Variants in ACKR2 observed in about 807,000 individuals in gnomAD.
ACKR2 encodes the protein atypical chemokine receptor 2, also known as C-C chemokine receptor D6.
For missense variants in ACKR2, 457 were observed against 477.3 expected, an observed-to-expected ratio of 0.96 and a Z score of 0.40; for synonymous variants, 207 against 192.2, an observed-to-expected ratio of 1.08 and a Z score of -0.64.
At chr3:42,815,276 C>T (rs866766042) in intron 1 of ACKR2, among the ~76,000 whole-genome samples, 20 of 152,208 alleles carry the variant, frequency 1.3e-4, no homozygotes, top group African/African-American at 2.9e-4. Flanking sequence ...TGTATTGAGA[C>T]CATTTTCCCC....
intron 2 of ACKR2, chr3:42,843,963 C>T (rs1701066172): frequency 6.6e-6 from 1 of 152,230 alleles, no homozygotes; most frequent in African/African-American, 2.4e-5. Flanking sequence ...GGCACGTGCT[C>T]ATTCCTGGAG....
chr3:42,822,893 G>A (rs1259436400), intron 2 of ACKR2, among the ~76,000 whole-genome samples: 1 of 150,948 alleles, frequency 6.6e-6, no homozygotes, highest in Non-Finnish European at 1.5e-5. Context: ...CCCCAGTCAT[G>A]AAAGCTAGGA....
intron 2 of ACKR2, chr3:42,835,806 G>A (rs1388559121): frequency 2.0e-5 from 3 of 152,162 alleles, no homozygotes; most frequent in Non-Finnish European, 4.4e-5. Context: ...TATGATATGG[G>A]TGTGGATTTC....
At chr3:42,827,959 C>G (rs1165050866) in intron 2 of ACKR2, among the ~76,000 whole-genome samples, 1 of 151,870 alleles carries the variant, frequency 6.6e-6, no homozygotes, top group African/African-American at 2.4e-5. Context: ...ACCCTTCAGT[C>G]TTCTCCATAA....
chr3:42,854,955 C>T (rs2088296861), intron 2 of ACKR2, among the ~76,000 whole-genome samples: 1 of 150,364 alleles, frequency 6.7e-6, no homozygotes, highest in South Asian at 2.1e-4. Flanking sequence ...CTCCTGGGTT[C>T]AAGTGATTCT....
intron 1 of ACKR2, among the ~76,000 whole-genome samples, chr3:42,818,184 A>ACCAT (rs935202846): frequency 6.6e-6 from 1 of 152,138 alleles, no homozygotes; most frequent in African/African-American, 2.4e-5. Flanking sequence ...AGCCGTGTTA[A>ACCAT]CCATCTCTCT....
At chr3:42,832,618 G>A (rs17074839) in intron 2 of ACKR2, among the ~76,000 whole-genome samples, 2,459 of 152,222 alleles carry the variant, frequency 0.016, 48 homozygotes, top group East Asian at 0.05. Flanking sequence ...CACCGCATAC[G>A]GAACGCACAG....
intron 1 of ACKR2, among the ~76,000 whole-genome samples, chr3:42,809,861 C>CA (rs532595301): frequency 0.032 from 4,067 of 125,576 alleles, 92 homozygotes; most frequent in African/African-American, 0.081. Flanking sequence ...GACTCCGTCT[C>CA]AAAAAAAAAA....
At chr3:42,822,805 C>T (rs2125605220) in intron 2 of ACKR2, among the ~76,000 whole-genome samples, 1 of 127,416 alleles carries the variant, frequency 7.8e-6, no homozygotes, top group South Asian at 2.8e-4. Flanking sequence ...CAGAGCAAGA[C>T]TCCAGCTCAA....
intron 2 of ACKR2, chr3:42,835,384 A>G (rs1276753084): frequency 6.6e-6 from 1 of 151,818 alleles, no homozygotes; most frequent in Non-Finnish European, 1.5e-5. Flanking sequence ...ACAGAGCTTT[A>G]GAGTCCACGT....
chr3:42,817,377 T>C (rs1421873036), intron 1 of ACKR2, among the ~76,000 whole-genome samples: 1 of 152,166 alleles, frequency 6.6e-6, no homozygotes, highest in Non-Finnish European at 1.5e-5. Context: ...ACTAACCGTT[T>C]TCACAGAGAG....
chr3:42,848,267 G>A (rs771336029), intron 2 of ACKR2, among the ~76,000 whole-genome samples: 1 of 127,942 alleles, frequency 7.8e-6, no homozygotes, highest in Non-Finnish European at 1.6e-5. Flanking sequence ...TGCCCATGCT[G>A]GAGTGCACGG....
At chr3:42,846,785 A>G (rs77590038) in intron 2 of ACKR2, among the ~76,000 whole-genome samples, 2,250 of 152,308 alleles carry the variant, frequency 0.015, 56 homozygotes, top group African/African-American at 0.05. Flanking sequence ...TTCTCCCAAC[A>G]AACATTTACT....
At chr3:42,839,348 A>G (rs901280437) in intron 2 of ACKR2, 2 of 152,118 alleles carry the variant, frequency 1.3e-5, no homozygotes, top group East Asian at 1.9e-4. Flanking sequence ...CTCCGAATCA[A>G]TCTTGGGTGG....
At position 42,815,306 on chromosome 3, in the gene ACKR2, G is replaced by C. The variant is rs536908096; in HGVS notation, c.-118-4325G>C. ...TTCCCCTTGGTCTTAAGGATGTAGA[G>C]GTAGTTACATGCAGTAGTGTTATCT... On this transcript the variant is annotated intron_variant, in intron 1 of 2. Transcript: ENST00000422265. Among the ~76,000 whole-genome samples the C allele has an allele frequency of 1.5e-3, 226 of 152,294 alleles. 1 individual carries two copies. The highest frequency in any genetic ancestry group is 2.6e-3 in the Non-Finnish European group (180 of 68,030).
intron 1 of ACKR2, among the ~76,000 whole-genome samples, chr3:42,811,607 C>A (rs757066368): frequency 6.6e-6 from 1 of 152,022 alleles, no homozygotes; most frequent in Non-Finnish European, 1.5e-5. Context: ...GCCTGTCACC[C>A]GTAAAGGGTC....
intron 2 of ACKR2, among the ~76,000 whole-genome samples, chr3:42,849,453 G>A (rs1024282149): frequency 1.3e-4 from 19 of 151,838 alleles, no homozygotes; most frequent in African/African-American, 2.4e-4. Flanking sequence ...AGCCGAGGCC[G>A]AGCTCACACC....
At chr3:42,823,516 TG>T (rs746094562) in intron 2 of ACKR2, among the ~76,000 whole-genome samples, 2 of 152,206 alleles carry the variant, frequency 1.3e-5, no homozygotes, top group Non-Finnish European at 2.9e-5. Flanking sequence ...CAGACTTGTC[TG>T]GGATGTTCAG....
intron 2 of ACKR2, among the ~76,000 whole-genome samples, chr3:42,822,815 A>AAAG (rs1700822687): frequency 1.1e-5 from 1 of 93,152 alleles, no homozygotes; most frequent in African/African-American, 3.0e-5. Flanking sequence ...CTCCAGCTCA[A>AAAG]AAAAAAAAAA....
Sources: gnomAD v4.1 joint callset for allele counts (sites outside exome capture counted in the v4.1 genomes callset) on GRCh38, gnomAD v4.1.1 for gene constraint, MANE v1.5 for transcripts, NCBI Gene and HGNC (gene_info 2026-07-23, HGNC 2026-07-21) for gene names.